Variants in TENM1 observed in about 807,000 individuals in gnomAD.
TENM1 encodes teneurin transmembrane protein 1, also known as teneurin-1.
A neutral mutation model predicts 174.8 loss-of-function variants in TENM1; 35 were observed. That is an observed-to-expected ratio of 0.20 (90% CI 0.15 to 0.27). The LOEUF (loss-of-function observed/expected upper bound fraction) is 0.27. Ranked by LOEUF, TENM1 falls within the 10% of genes least tolerant of loss-of-function variation. TENM1 has a pLI of 1.00. For synonymous variants in TENM1, 781 were observed against 798.7 expected (o/e 0.98, Z 0.37); for missense variants, 1,633 against 2,130.1 (o/e 0.77, Z 4.59).
At chrX:124,576,193 A>C (rs184079512) in intron 11 of TENM1, among the ~76,000 whole-genome samples, 3,947 of 110,929 alleles carry the variant, frequency 0.036, 78 homozygotes, top group African/African-American at 0.065. Flanking sequence ...CTGAGTAGCT[A>C]AGACTACAGG....
At chrX:124,797,008 G>A (rs2055320087) in intron 3 of TENM1, among the ~76,000 whole-genome samples, 1 of 111,730 alleles carries the variant, frequency 9.0e-6, no homozygotes, top group Admixed American at 9.5e-5. Flanking sequence ...TTATCTAGGA[G>A]TTGAAAGAGA....
chrX:124,585,678 A>T (rs773845471), intron 11 of TENM1, among the ~76,000 whole-genome samples: 7 of 111,243 alleles, frequency 6.3e-5, no homozygotes, highest in African/African-American at 2.3e-4. Flanking sequence ...GCAAGAAATA[A>T]CTAAAATTAG....
chrX:124,846,050 G>C (rs983736864), intron 3 of TENM1, among the ~76,000 whole-genome samples: 1 of 110,257 alleles, frequency 9.1e-6, no homozygotes, highest in Admixed American at 9.7e-5. Context: ...TTCTTCTTAG[G>C]GGGAGTGGGG....
chrX:124,760,019 C>T (rs762527398), intron 3 of TENM1, among the ~76,000 whole-genome samples: 5 of 111,279 alleles, frequency 4.5e-5, no homozygotes, highest in Admixed American at 1.9e-4. Flanking sequence ...TGAAGCCCAC[C>T]CTTTCACGAC....
chrX:124,908,357 G>A (rs1055035569), intron 1 of TENM1, among the ~76,000 whole-genome samples: 4 of 110,284 alleles, frequency 3.6e-5, no homozygotes, highest in African/African-American at 9.9e-5. Context: ...AGTGTATGAC[G>A]TTCCCCTCCC....
At chrX:124,988,331 T>C in the TENM1 span, among the ~76,000 whole-genome samples, 1 of 112,057 alleles carries the variant, frequency 8.9e-6, no homozygotes, top group African/African-American at 3.2e-5. Context: ...ATAGATGGAA[T>C]TGATAAATTC....
the TENM1 span, among the ~76,000 whole-genome samples, chrX:125,083,202 T>C: frequency 9.0e-6 from 1 of 111,414 alleles, no homozygotes; most frequent in East Asian, 2.8e-4. Flanking sequence ...TGTACACTTT[T>C]GTTCTTTCAT....
intron 3 of TENM1, among the ~76,000 whole-genome samples, chrX:124,862,413 C>T (rs1007037295): frequency 2.7e-5 from 3 of 111,763 alleles, no homozygotes; most frequent in African/African-American, 9.8e-5. Flanking sequence ...CCCCATTGCC[C>T]GTGGCAGCAG....
chrX:125,018,490 T>C, the TENM1 span, among the ~76,000 whole-genome samples: 1 of 111,826 alleles, frequency 8.9e-6, no homozygotes, highest in African/African-American at 3.2e-5. Flanking sequence ...AAACTCACTA[T>C]ATTAGTTATG....
chrX:124,733,299 A>C (rs1453421896), intron 4 of TENM1, among the ~76,000 whole-genome samples: 1 of 112,507 alleles, frequency 8.9e-6, no homozygotes, highest in African/African-American at 3.2e-5. Flanking sequence ...GTTCAAAAAG[A>C]ATCTTCTAGT....
chrX:124,408,576 T>G (rs2060490050), intron 25 of TENM1, among the ~76,000 whole-genome samples: 1 of 111,843 alleles, frequency 8.9e-6, no homozygotes, highest in African/African-American at 3.3e-5. Flanking sequence ...AGGCACTTCC[T>G]CTCTGTTCCA....
chrX:124,988,536 T>C, the TENM1 span, among the ~76,000 whole-genome samples: 2 of 106,895 alleles, frequency 1.9e-5, no homozygotes, highest in African/African-American at 3.5e-5. Context: ...AAGGAAATAT[T>C]TGCAGATTAT....
intron 18 of TENM1, among the ~76,000 whole-genome samples, chrX:124,512,414 A>C (rs1017258589): frequency 2.7e-5 from 3 of 111,764 alleles, no homozygotes; most frequent in African/African-American, 9.8e-5. Context: ...TAAAACGCTC[A>C]CATGGAGTTT....
intron 4 of TENM1, among the ~76,000 whole-genome samples, chrX:124,734,091 G>A (rs1485995841): frequency 3.6e-5 from 4 of 111,364 alleles, no homozygotes; most frequent in African/African-American, 9.8e-5. Flanking sequence ...GATATACATT[G>A]TTCTTTGCAT....
intron 5 of TENM1, among the ~76,000 whole-genome samples, chrX:124,691,574 T>C (rs993957386): frequency 1.8e-5 from 2 of 112,138 alleles, no homozygotes; most frequent in Non-Finnish European, 3.8e-5. Context: ...AAAAGATTCA[T>C]GAAAAGTTGC....
rs765288177 is a variant in TENM1, at chrX:124,530,147, T to C, written c.2652-164A>G. 3.3e-4 allele frequency among the ~76,000 whole-genome samples: 36 copies of C among 110,458 alleles called. No individual in the cohort carries two copies. The South Asian group carries it at 0.01, about 31-fold the overall frequency. On this transcript the variant is annotated intron_variant, in intron 15 of 31. Transcript: ENST00000422452. ...CATTCTGGGGAGGAGTTTTTTTTTT[T>C]CCCCATCAAAATTAGAATCATACTA... is the stretch of plus-strand genomic sequence containing the variant.
chrX:124,547,938 G>A (rs1386141607), intron 14 of TENM1, among the ~76,000 whole-genome samples: 1 of 111,827 alleles, frequency 8.9e-6, no homozygotes, highest in Non-Finnish European at 1.9e-5. Flanking sequence ...CCGGGTTCAC[G>A]CCATTCTCCT....
At chrX:125,050,173 T>TATC in the TENM1 span, among the ~76,000 whole-genome samples, 1 of 109,030 alleles carries the variant, frequency 9.2e-6, no homozygotes, top group South Asian at 3.9e-4. Flanking sequence ...TTATTATTAT[T>TATC]ATTATACTTC....
At chrX:125,178,568 G>A in the TENM1 span, among the ~76,000 whole-genome samples, 13 of 110,865 alleles carry the variant, frequency 1.2e-4, no homozygotes, top group Non-Finnish European at 2.5e-4. Flanking sequence ...AGAAGAAAAA[G>A]GTCAATCTGT....
Sources: allele counts gnomAD v4.1 joint callset (sites outside exome capture counted in the v4.1 genomes callset), GRCh38; gene constraint gnomAD v4.1.1; transcripts MANE v1.5; gene names NCBI Gene and HGNC (gene_info 2026-07-23, HGNC 2026-07-21).